ASPH: variants seen among roughly 807,000 people sequenced by gnomAD.
The protein encoded by ASPH is aspartate beta-hydroxylase, also known as aspartyl/asparaginyl beta-hydroxylase.
In ASPH, 100 loss-of-function variants were observed where a neutral mutation model predicts 118.4. The ratio of observed to expected loss-of-function variants is 0.84; its 90% CI spans 0.72 to 1.00. ASPH has a LOEUF of 1.00. ASPH is among the 50% of genes least tolerant of loss of function. The probability of loss-of-function intolerance (pLI) is 0.00; values close to 1 mark genes in which losing one functional copy is unlikely to be tolerated. For synonymous variants in ASPH, 315 were observed against 325.6 expected (o/e 0.97, Z 0.35); for missense variants, 920 against 919.5 (o/e 1.00, Z -0.01).
intron 1 of ASPH, among the ~76,000 whole-genome samples, chr8:61,692,214 T>C (rs1055118746): frequency 6.6e-6 from 1 of 152,212 alleles, no homozygotes; most frequent in Admixed American, 6.5e-5. Flanking sequence ...GATATGGAGA[T>C]CAGGAGAAAA....
rs562353012 is a variant in ASPH at position 61,675,366 on chromosome 8, G to A, written c.322+5602C>T. ...AAAATACAAATTACTTTCTCTGGAT[G>A]TATATTTGGAAATAAAATTTAAAAT... On this transcript the variant is annotated intron_variant, in intron 3 of 24. Coordinates refer to ENST00000379454, the MANE Select transcript of ASPH (RefSeq NM_004318.4). 142 of 968,446 alleles carry A rather than the reference G, an allele frequency of 1.5e-4. No individual in the cohort carries two copies. The South Asian group carries it at 6.1e-3, about 42-fold the overall frequency. 60.0% of individuals were successfully genotyped at this position (968,446 alleles called of 1,614,324 possible). A position where few individuals can be genotyped will look rare whatever the true frequency, so the allele number is the denominator to read the frequency against.
At chr8:61,693,575 G>A (rs1006666360) in intron 1 of ASPH, among the ~76,000 whole-genome samples, 1 of 152,114 alleles carries the variant, frequency 6.6e-6, no homozygotes, top group Non-Finnish European at 1.5e-5. Flanking sequence ...AGTCAAACCT[G>A]CTTAGACAGA....
intron 19 of ASPH, among the ~76,000 whole-genome samples, chr8:61,555,135 A>T (rs977513739): frequency 2.0e-5 from 3 of 152,154 alleles, no homozygotes; most frequent in East Asian, 1.9e-4. Flanking sequence ...TTGAGCAATG[A>T]CCTTTTCAGC....
chr8:61,645,955 C>A (rs1268111692), intron 6 of ASPH, among the ~76,000 whole-genome samples: 1 of 152,142 alleles, frequency 6.6e-6, no homozygotes, highest in African/African-American at 2.4e-5. Context: ...AAAGCTGAGG[C>A]AGGAGAATTG....
chr8:61,608,017 G>A (rs533365780), intron 14 of ASPH, among the ~76,000 whole-genome samples: 44 of 152,280 alleles, frequency 2.9e-4, no homozygotes, highest in African/African-American at 8.9e-4. Flanking sequence ...GGTCTCTCCA[G>A]TCCTAGGCCA....
At chr8:61,547,593 A>G (rs906092331) in intron 21 of ASPH, among the ~76,000 whole-genome samples, 1 of 152,218 alleles carries the variant, frequency 6.6e-6, no homozygotes, top group Non-Finnish European at 1.5e-5. Context: ...CCTGTTGTCT[A>G]TTAATCCAGA....
chr8:61,519,806 C>T (rs1340337335), intron 22 of ASPH, among the ~76,000 whole-genome samples: 1 of 152,118 alleles, frequency 6.6e-6, no homozygotes, highest in Non-Finnish European at 1.5e-5. Context: ...CTGGAGACTC[C>T]AGAGGGAATA....
intron 20 of ASPH, among the ~76,000 whole-genome samples, chr8:61,549,014 T>C (rs1214865625): frequency 6.6e-6 from 1 of 152,196 alleles, no homozygotes; most frequent in African/African-American, 2.4e-5. Flanking sequence ...GCACCATGCA[T>C]GTTCCATTGT....
At chr8:61,650,536 A>T (rs1238634410) in intron 5 of ASPH, among the ~76,000 whole-genome samples, 2 of 152,210 alleles carry the variant, frequency 1.3e-5, no homozygotes, top group Non-Finnish European at 2.9e-5. Flanking sequence ...ATTACTTAGT[A>T]TCCTCTACAC....
intron 17 of ASPH, among the ~76,000 whole-genome samples, chr8:61,565,347 AC>A (rs1165589290): frequency 6.6e-6 from 1 of 152,154 alleles, no homozygotes; most frequent in Non-Finnish European, 1.5e-5. Flanking sequence ...GATAATTTCA[AC>A]CTCCATGAAT....
intron 13 of ASPH, chr8:61,631,553 T>G (rs1855597510): frequency 6.6e-6 from 1 of 152,222 alleles, no homozygotes; most frequent in African/African-American, 2.4e-5. Flanking sequence ...AGCCTAGATG[T>G]GTAGTAGGCT....
At chr8:61,567,042 T>C (rs1196122039) in intron 17 of ASPH, 126 bp downstream of exon 17, 1 of 1,194,432 alleles carries the variant, frequency 8.4e-7, no homozygotes. Context: ...GACACATTAC[T>C]TGAAATCAGT....
intron 10 of ASPH, 107 bp downstream of exon 10, chr8:61,642,781 G>T: frequency 1.0e-6 from 1 of 983,202 alleles, no homozygotes; most frequent in Non-Finnish European, 1.4e-6. Context: ...GGAGGCGGAG[G>T]TTGTAGTGGG....
intron 15 of ASPH, among the ~76,000 whole-genome samples, chr8:61,581,587 T>C (rs1837557553): frequency 6.6e-6 from 1 of 152,256 alleles, no homozygotes; most frequent in Non-Finnish European, 1.5e-5. Flanking sequence ...TGTTTCTCTC[T>C]GGACTTGGAG....
At chr8:61,531,027 G>C (rs571498754) in intron 21 of ASPH, among the ~76,000 whole-genome samples, 4 of 152,048 alleles carry the variant, frequency 2.6e-5, no homozygotes, top group Non-Finnish European at 5.9e-5. Context: ...TTTTATAATA[G>C]TATGACAATC....
chr8:61,633,626 T>C, intron 13 of ASPH, 57 bp downstream of exon 13: 9 of 1,413,116 alleles, frequency 6.4e-6, no homozygotes, highest in Non-Finnish European at 8.8e-6. Flanking sequence ...ATTGGTAATA[T>C]TAACAGGATT....
intron 14 of ASPH, among the ~76,000 whole-genome samples, chr8:61,603,236 A>G (rs1001956092): frequency 2.0e-5 from 3 of 151,566 alleles, no homozygotes; most frequent in Admixed American, 1.3e-4. Context: ...GAAATTCACA[A>G]TAATTTCTGA....
chr8:61,613,092 A>G (rs912312289), intron 14 of ASPH, among the ~76,000 whole-genome samples: 3 of 152,228 alleles, frequency 2.0e-5, no homozygotes, highest in African/African-American at 7.2e-5. Flanking sequence ...ATGGTTAATT[A>G]TATTTGTCTA....
At position 61,548,189 on chromosome 8, in the gene ASPH, A is replaced by AG. The variant is rs1271654459; in HGVS notation, c.1645dup (p.Leu549ProfsTer52). 3 of 1,613,818 alleles carry AG rather than the reference A, an allele frequency of 1.9e-6. No individual in the cohort carries two copies. On this transcript the variant is annotated frameshift_variant, in exon 21 of 25. Transcript: ENST00000379454. LOFTEE classifies it high-confidence loss of function. ...TGCAAAGTGTCCTCTCTTGTGCCCA[A>AG]GCTCATACCACTTATATGCCTGAAG...
Sources: gnomAD v4.1 joint callset for allele counts (sites outside exome capture counted in the v4.1 genomes callset) on GRCh38, gnomAD v4.1.1 for gene constraint, MANE v1.5 for transcripts, NCBI Gene and HGNC (gene_info 2026-07-23, HGNC 2026-07-21) for gene names.